C1orf105: variants seen among roughly 807,000 people sequenced by gnomAD.
The protein encoded by C1orf105 is uncharacterized protein C1orf105.
C1orf105 carries 17 observed loss-of-function variants against 20.8 expected under a neutral mutation model. That is an observed-to-expected ratio of 0.82 (90% confidence interval 0.56 to 1.23). The LOEUF (loss-of-function observed/expected upper bound fraction) is 1.23, where lower values mean the gene tolerates loss of function less well. Among genes scored for constraint, C1orf105 ranks in the 50% most tolerant of loss-of-function variants. The probability of loss-of-function intolerance (pLI) is 0.00; values close to 1 mark genes in which losing one functional copy is unlikely to be tolerated. For synonymous variants in C1orf105, 72 were observed against 72.1 expected (o/e 1.00, Z 0.01); for missense variants, 219 against 213.5 (o/e 1.03, Z -0.16).
At chr1:172,467,313 G>A (rs1289425565) in intron 6 of C1orf105, among the ~76,000 whole-genome samples, 1 of 152,036 alleles carries the variant, frequency 6.6e-6, no homozygotes, top group Non-Finnish European at 1.5e-5. Context: ...CTCAACTGTT[G>A]GTCACAATGA....
At position 172,448,452 on chromosome 1, in the gene C1orf105, C is replaced by T. The variant is rs1159633424; in HGVS notation, c.119C>T (p.Thr40Ile). The T allele has an allele frequency of 6.2e-7, 1 of 1,610,540 alleles. No individual in the cohort carries two copies. Residue 40 changes from threonine to isoleucine, a missense_variant, in exon 3 of 7, where the codon ACC (threonine) becomes ATC (isoleucine). Coordinates refer to ENST00000367727, the MANE Select transcript of C1orf105 (RefSeq NM_139240.4). ...VLSLPRRYPHTSATFLTSSKK... is the reference protein window; with the variant it reads ...VLSLPRRYPHISATFLTSSKK... Reference sequence around the variant, plus strand: ...TTTTAATTACTTAGATATCCTCATACCTCTGCGACTTTTCTGACTTCATCC... The same window carrying T: ...TTTTAATTACTTAGATATCCTCATATCTCTGCGACTTTTCTGACTTCATCC...
At chr1:172,448,377 C>T in intron 2 of C1orf105, 64 bp from the exon 3 acceptor site, 1 of 1,125,286 alleles carries the variant, frequency 8.9e-7, no homozygotes, top group East Asian at 2.4e-5. Context: ...TCAGAAACAA[C>T]CAAGGGCCTG....
At chr1:172,427,553 C>T (rs904386878) in intron 1 of C1orf105, among the ~76,000 whole-genome samples, 5 of 152,202 alleles carry the variant, frequency 3.3e-5, no homozygotes, top group African/African-American at 1.2e-4. Context: ...CTTAAACCCA[C>T]ACCAAACAGG....
At chr1:172,456,856 G>A (rs190296560) in intron 4 of C1orf105, among the ~76,000 whole-genome samples, 18 of 152,146 alleles carry the variant, frequency 1.2e-4, no homozygotes, top group South Asian at 6.2e-4. Context: ...TTTCTCCACC[G>A]TTACAATCAG....
intron 1 of C1orf105, among the ~76,000 whole-genome samples, chr1:172,427,566 T>C (rs1379675366): frequency 1.3e-5 from 2 of 152,220 alleles, no homozygotes; most frequent in Non-Finnish European, 2.9e-5. Flanking sequence ...CAAACAGGTT[T>C]TTATTCCAGC....
At chr1:172,434,058 C>A (rs1050626985) in intron 1 of C1orf105, among the ~76,000 whole-genome samples, 3 of 152,184 alleles carry the variant, frequency 2.0e-5, no homozygotes, top group African/African-American at 7.2e-5. Flanking sequence ...AGCTAACTAT[C>A]CTAAATATAT....
chr1:172,442,606 A>G, intron 1 of C1orf105: 8 of 1,613,198 alleles, frequency 5.0e-6, no homozygotes, highest in Non-Finnish European at 6.8e-6. Flanking sequence ...GGTGTTAGTC[A>G]CAGGTTGAGC....
At chr1:172,452,505 T>C (rs1257397059) in intron 3 of C1orf105, among the ~76,000 whole-genome samples, 1 of 151,912 alleles carries the variant, frequency 6.6e-6, no homozygotes, top group Non-Finnish European at 1.5e-5. Flanking sequence ...TGAACAGGTG[T>C]GTAAGAGAGA....
chr1:172,452,631 T>C (rs796739391), intron 3 of C1orf105, among the ~76,000 whole-genome samples: 9 of 152,356 alleles, frequency 5.9e-5, no homozygotes, highest in African/African-American at 2.2e-4. Context: ...CCTTGGGCCA[T>C]GAGTCAGCCC....
At chr1:172,432,294 G>A (rs1249790556) in intron 1 of C1orf105, among the ~76,000 whole-genome samples, 1 of 152,178 alleles carries the variant, frequency 6.6e-6, no homozygotes, top group Non-Finnish European at 1.5e-5. Context: ...TCCTCAATTG[G>A]GTTCCTGACC....
In C1orf105 at chr1:172,456,457, C is replaced by G. The variant is rs1238557671; in HGVS notation, c.241C>G (p.Gln81Glu). Residue 81 changes from glutamine (Q) to glutamate (E), a missense_variant, in exon 4 of 7, where the codon CAG becomes GAG. By Grantham distance (29) the Gln-to-Glu change is conservative. Transcript: ENST00000367727. ...QCDSMLLRNQ[Q>E]LCSTCQEMKM... ...TGACTCCATGCTGCTCAGAAACCAA[C>G]AGCTGTGCTCCACATGTCAAGAAAT... 1 of 1,613,626 alleles carries G rather than the reference C, an allele frequency of 6.2e-7. No individual in the cohort carries two copies. Among genetic ancestry groups the G allele is most frequent in the Admixed American group, 1.7e-5 (1 of 60,024 alleles).
intron 3 of C1orf105, among the ~76,000 whole-genome samples, chr1:172,451,762 G>A (rs1015029206): frequency 4.0e-5 from 6 of 151,332 alleles, no homozygotes; most frequent in Non-Finnish European, 8.8e-5. Context: ...CAGATAGAAG[G>A]AACATGTGTA....
chr1:172,439,452 T>G (rs554545161), intron 1 of C1orf105, among the ~76,000 whole-genome samples: 29 of 152,278 alleles, frequency 1.9e-4, no homozygotes, highest in African/African-American at 6.7e-4. Flanking sequence ...CAGCTACCAC[T>G]TTTCTGTCCA....
intron 1 of C1orf105, chr1:172,444,237 C>A (rs767519490): frequency 1.2e-5 from 12 of 985,430 alleles, no homozygotes; most frequent in Non-Finnish European, 1.4e-5. Context: ...GAAGGCAAAT[C>A]CCCAGCAATC....
chr1:172,426,026 G>T (rs1238200703), intron 1 of C1orf105, among the ~76,000 whole-genome samples: 1 of 152,078 alleles, frequency 6.6e-6, no homozygotes, highest in Non-Finnish European at 1.5e-5. Context: ...ATGCAGTTCT[G>T]TATGTTCCTA....
intron 4 of C1orf105, among the ~76,000 whole-genome samples, chr1:172,461,305 A>C (rs993706922): frequency 2.6e-5 from 4 of 152,058 alleles, no homozygotes; most frequent in Non-Finnish European, 5.9e-5. Context: ...GCACCTCTAA[A>C]GGTCCTTAAT....
chr1:172,422,561 C>A (rs2149153677), intron 1 of C1orf105, among the ~76,000 whole-genome samples: 1 of 152,006 alleles, frequency 6.6e-6, no homozygotes, highest in Admixed American at 6.5e-5. Flanking sequence ...ATTCACAGGT[C>A]TGGTGGCTAC....
At position 172,442,348 on chromosome 1, in the gene C1orf105, G is replaced by T. The variant is rs372888143; in HGVS notation, c.22-2725G>T. ...AAACAAAACATACCCAATCAGTGAA[G>T]AAGCCAGACCAGTCCCTAAAAGCCA... is the stretch of plus-strand genomic sequence containing the variant. On this transcript the variant is annotated intron_variant, in intron 1 of 6. Transcript: ENST00000367727. 19 of 1,613,024 alleles carry T rather than the reference G, an allele frequency of 1.2e-5. No homozygotes were observed. Among genetic ancestry groups the T allele is most frequent in the Non-Finnish European group, 1.4e-5 (16 of 1,180,032 alleles).
intron 1 of C1orf105, among the ~76,000 whole-genome samples, chr1:172,434,516 C>T (rs2071974535): frequency 6.6e-6 from 1 of 152,122 alleles, no homozygotes; most frequent in Non-Finnish European, 1.5e-5. Context: ...GGGTACATAA[C>T]AAAATGAAGG....
Sources: gnomAD v4.1 joint callset for allele counts (sites outside exome capture counted in the v4.1 genomes callset) on GRCh38, gnomAD v4.1.1 for gene constraint, MANE v1.5 for transcripts, NCBI Gene and HGNC (gene_info 2026-07-23, HGNC 2026-07-21) for gene names.